Variants in BTBD9 observed in about 807,000 individuals in gnomAD.
BTBD9 encodes BTB/POZ domain-containing protein 9.
Under a neutral mutation model 64.3 loss-of-function variants are expected in BTBD9, and 49 were observed. That is an observed-to-expected ratio of 0.76 (90% CI 0.61 to 0.97). BTBD9 has a LOEUF of 0.97. BTBD9 is among the 50% of genes least tolerant of loss of function. The pLI is 0.00. For missense variants in BTBD9, 598 were observed against 762.1 expected (o/e 0.78, Z 2.53); for synonymous variants, 260 against 274.7 (o/e 0.95, Z 0.53).
At chr6:38,355,201 T>G (rs1435103186) in intron 6 of BTBD9, among the ~76,000 whole-genome samples, 1 of 152,126 alleles carries the variant, frequency 6.6e-6, no homozygotes, top group East Asian at 1.9e-4. Flanking sequence ...GTGGCACTAT[T>G]TGGTGGTCTA....
chr6:38,265,159 G>T (rs952706181), intron 8 of BTBD9, among the ~76,000 whole-genome samples: 4 of 151,974 alleles, frequency 2.6e-5, no homozygotes, highest in Admixed American at 1.3e-4. Flanking sequence ...TCTCGGGTGT[G>T]TGGCATATGT....
At chr6:38,525,064 T>G (rs1044024006) in intron 6 of BTBD9, among the ~76,000 whole-genome samples, 2 of 152,158 alleles carry the variant, frequency 1.3e-5, no homozygotes, top group African/African-American at 4.8e-5. Context: ...ATGGGGGATA[T>G]CATGATGGCA....
intron 9 of BTBD9, among the ~76,000 whole-genome samples, chr6:38,252,542 G>T (rs1295908988): frequency 6.6e-6 from 1 of 151,918 alleles, no homozygotes; most frequent in Non-Finnish European, 1.5e-5. Flanking sequence ...TACTACTTTT[G>T]TTCTTCTAAT....
intron 6 of BTBD9, among the ~76,000 whole-genome samples, chr6:38,546,905 C>T (rs143196294): frequency 3.3e-5 from 5 of 152,204 alleles, no homozygotes; most frequent in African/African-American, 7.2e-5. Flanking sequence ...CGACCTCAGG[C>T]GATCCACCCA....
chr6:38,389,245 T>G (rs1485123088), intron 6 of BTBD9, among the ~76,000 whole-genome samples: 1 of 152,242 alleles, frequency 6.6e-6, no homozygotes, highest in Non-Finnish European at 1.5e-5. Flanking sequence ...ATACATAAAA[T>G]CTGCACCTTT....
chr6:38,504,566 C>T (rs977613226), intron 6 of BTBD9: 4 of 456,450 alleles, frequency 8.8e-6, no homozygotes, highest in Non-Finnish European at 1.8e-5. Context: ...TCATAAACTG[C>T]GGGTGAAATG....
chr6:38,620,176 T>G (rs1777936110), intron 1 of BTBD9, among the ~76,000 whole-genome samples: 1 of 152,202 alleles, frequency 6.6e-6, no homozygotes, highest in Non-Finnish European at 1.5e-5. Flanking sequence ...ATACCCGAAT[T>G]CTAGGAGTAC....
chr6:38,543,774 A>G (rs1052171951), intron 6 of BTBD9, among the ~76,000 whole-genome samples: 5 of 152,070 alleles, frequency 3.3e-5, no homozygotes, highest in Admixed American at 6.5e-5. Flanking sequence ...TGGCTAACAC[A>G]GTGAAACCCC....
At chr6:38,464,021 G>C (rs1229717008) in intron 6 of BTBD9, among the ~76,000 whole-genome samples, 1 of 152,040 alleles carries the variant, frequency 6.6e-6, no homozygotes, top group South Asian at 2.1e-4. Flanking sequence ...AACAAAGTGA[G>C]ACCGTCTCAA....
At chr6:38,598,162 G>C (rs879007264) in intron 1 of BTBD9, 41 bp from the exon 2 acceptor site, 1 of 1,453,280 alleles carries the variant, frequency 6.9e-7, no homozygotes, top group Non-Finnish European at 9.4e-7. Context: ...TGGGGGAGGG[G>C]AGTACACATA....
Position 38,331,026 on chromosome 6 carries a change from CA to C in BTBD9, c.1264+13957del, listed in dbSNP as rs528145677. On this transcript the variant is annotated intron_variant, in intron 7 of 10. Transcript: ENST00000481247. ...CTAAGCAAATCACAAAATCAGATGACAAAAAAAATGACTGATAGGAATAACT... is the reference window on the plus strand; with the variant it reads ...CTAAGCAAATCACAAAATCAGATGACAAAAAAATGACTGATAGGAATAACT... Among the ~76,000 whole-genome samples, 554 of 151,180 alleles carry C rather than the reference CA, an allele frequency of 3.7e-3. 3 individuals are homozygous for C. The highest frequency in any genetic ancestry group is 0.012 in the African/African-American group (514 of 41,232).
chr6:38,309,744 A>C (rs1171452116), intron 7 of BTBD9, among the ~76,000 whole-genome samples: 1 of 152,108 alleles, frequency 6.6e-6, no homozygotes, highest in East Asian at 1.9e-4. Flanking sequence ...TCCTTTAATA[A>C]AGAATAAAGT....
At chr6:38,472,241 T>C (rs145030295) in intron 6 of BTBD9, among the ~76,000 whole-genome samples, 40 of 152,270 alleles carry the variant, frequency 2.6e-4, no homozygotes, top group African/African-American at 8.9e-4. Context: ...ACAGTGCAAA[T>C]ATATAACATA....
chr6:38,323,432 C>A (rs944129115), intron 7 of BTBD9, among the ~76,000 whole-genome samples: 3 of 152,098 alleles, frequency 2.0e-5, no homozygotes, highest in African/African-American at 4.8e-5. Context: ...TAGAACAAAG[C>A]AGTGTGTCTC....
chr6:38,178,048 C>T (rs868475151), intron 10 of BTBD9, among the ~76,000 whole-genome samples: 8 of 152,344 alleles, frequency 5.3e-5, no homozygotes, highest in Admixed American at 6.5e-5. Flanking sequence ...GAACTGGGGC[C>T]ATCTCAGAGC....
At chr6:38,471,985 T>A (rs111854892) in intron 6 of BTBD9, among the ~76,000 whole-genome samples, 53 of 152,332 alleles carry the variant, frequency 3.5e-4, no homozygotes, top group African/African-American at 1.2e-3. Flanking sequence ...AGGGAATACA[T>A]GAAATAACAG....
In BTBD9 at chr6:38,488,651, A is replaced by G. The variant is rs145842573; in HGVS notation, c.1154+88949T>C. 3.7e-3 allele frequency among the ~76,000 whole-genome samples: 565 copies of G among 152,350 alleles called. 5 individuals are homozygous for G. Among genetic ancestry groups the G allele is most frequent in the African/African-American group, 0.012 (512 of 41,592 alleles). ...GACAGCTTTTTAAAACGTCAGACGAAAACCAGCAGCTCTGCAAAGAATGTG... is the reference window on the plus strand; with the variant it reads ...GACAGCTTTTTAAAACGTCAGACGAGAACCAGCAGCTCTGCAAAGAATGTG... On this transcript the variant is annotated intron_variant, in intron 6 of 10. Coordinates refer to ENST00000481247, the MANE Select transcript of BTBD9 (RefSeq NM_001099272.2).
chr6:38,334,629 A>ACATAG (rs1320006854), intron 7 of BTBD9, among the ~76,000 whole-genome samples: 2 of 132,970 alleles, frequency 1.5e-5, no homozygotes, highest in Non-Finnish European at 3.0e-5. Context: ...ACATAACATA[A>ACATAG]AATAAATAAA....
At chr6:38,593,927 T>C in intron 3 of BTBD9, 37 bp downstream of exon 3, 3 of 1,536,374 alleles carry the variant, frequency 2.0e-6, no homozygotes, top group Non-Finnish European at 2.7e-6. Flanking sequence ...AATAAAACAA[T>C]GCATGCCTAT....
Sources: gnomAD v4.1 joint callset for allele counts (sites outside exome capture counted in the v4.1 genomes callset) on GRCh38, gnomAD v4.1.1 for gene constraint, MANE v1.5 for transcripts, NCBI Gene and HGNC (gene_info 2026-07-23, HGNC 2026-07-21) for gene names.